The following MTERF4 variants were observed in gnomAD, a reference collection of about 807,000 sequenced individuals.
MTERF4 encodes transcription termination factor 4, mitochondrial.
A neutral mutation model predicts 22.5 loss-of-function variants in MTERF4; 17 were observed. The ratio of observed to expected loss-of-function variants is 0.75; its 90% CI spans 0.52 to 1.13. The LOEUF is 1.13. Ranked by LOEUF, MTERF4 falls within the 50% of genes most tolerant of loss-of-function variation. The pLI, the probability that MTERF4 is intolerant of heterozygous loss-of-function variation, is 0.00. For missense variants in MTERF4, 420 were observed against 466.8 expected (o/e 0.90, Z 0.92); for synonymous variants, 165 against 175.3 (o/e 0.94, Z 0.47).
In MTERF4 at chr2:241,075,063, T is replaced by C. The variant is rs2062955304; in HGVS notation, n.1099A>G. 6.6e-6 allele frequency: 1 copy of C among 152,242 alleles called. No homozygotes were observed. The highest frequency in any genetic ancestry group is 1.5e-5 in the Non-Finnish European group (1 of 68,036). The allele number at this position is 152,242 out of a possible 1,614,324, so 9.4% of individuals were successfully genotyped here. ...TCACTCCGCATTCTCGGACTGAGGT[T>C]GGCCCATGCGGTCTGGGCGGCTGCG... On this transcript the variant is annotated non_coding_transcript_exon_variant, in exon 5 of 5. Transcript: ENST00000464344. This position sits in a 1 kb window ranked among gnomAD's most constrained non-coding sequence, Gnocchi z 4.8.
the MTERF4 span, among the ~76,000 whole-genome samples, chr2:241,052,697 G>T: frequency 1.1e-4 from 6 of 55,506 alleles, no homozygotes; most frequent in Non-Finnish European, 1.7e-4. Flanking sequence ...CGGCGGGGGG[G>T]GGGGGGGTCA....
At chr2:241,061,412 T>C in the MTERF4 span, among the ~76,000 whole-genome samples, 2 of 152,134 alleles carry the variant, frequency 1.3e-5, no homozygotes, top group South Asian at 4.1e-4. Context: ...CTGGCAAGAG[T>C]ATAAATTGCT....
chr2:241,099,993 A>C (rs2064632034), intron 1 of MTERF4, 99 bp from the exon 2 acceptor site: 1 of 1,391,168 alleles, frequency 7.2e-7, no homozygotes, highest in Admixed American at 2.7e-5. Context: ...CCTTGGTTCC[A>C]CACAAACATA....
chr2:241,065,075 A>C, the MTERF4 span: 1 of 846,706 alleles, frequency 1.2e-6, no homozygotes, highest in Admixed American at 2.9e-5. Context: ...CCCTTCCCTG[A>C]GGAACAGGGA....
chr2:241,047,058 A>G, the MTERF4 span, among the ~76,000 whole-genome samples: 8 of 149,704 alleles, frequency 5.3e-5, no homozygotes, highest in African/African-American at 9.9e-5. Flanking sequence ...CAGGAGAATC[A>G]CTTGAACCCC....
At chr2:241,064,978 C>T in the MTERF4 span, 1 of 1,540,310 alleles carries the variant, frequency 6.5e-7, no homozygotes, top group Non-Finnish European at 8.7e-7. The surrounding 1 kb of genome is among the most constrained non-coding windows in gnomAD (Gnocchi z 7.0). Context: ...AGGGCGCCTC[C>T]AGTGAGGGAG....
At chr2:241,065,369 G>C in the MTERF4 span, 1 of 1,613,046 alleles carries the variant, frequency 6.2e-7, no homozygotes, top group South Asian at 1.1e-5. Flanking sequence ...CCTGGAACCC[G>C]CCCAATGGTC....
Position 241,080,656 on chromosome 2 carries a change from T to C in MTERF4, n.480-4974A>G, listed in dbSNP as rs1355380642. On this transcript the variant is annotated intron_variant and non_coding_transcript_variant, in intron 4 of 4. Transcript: ENST00000464344. ...TCCCGCTGTCCAAAGACAGAATAAA[T>C]TGAGCATCAGGAAAACAACTGACAG... 3.3e-5 allele frequency among the ~76,000 whole-genome samples: 5 copies of C among 152,232 alleles called. 1 individual carries two copies. Among genetic ancestry groups the C allele is most frequent in the Admixed American group, 6.5e-5 (1 of 15,288 alleles).
downstream of MTERF4, chr2:241,090,566 C>A (rs2063883866): frequency 8.1e-7 from 1 of 1,228,082 alleles, no homozygotes; most frequent in Non-Finnish European, 1.1e-6. Flanking sequence ...CAGGGCAGTG[C>A]AGTAGGTTTG....
chr2:241,102,097 G>A, intron 1 of MTERF4, 156 bp downstream of exon 1: 1 of 944,524 alleles, frequency 1.1e-6, no homozygotes, highest in Non-Finnish European at 1.6e-6. Flanking sequence ...ATTGAGCAGA[G>A]CCACGGGTCC....
downstream of MTERF4, among the ~76,000 whole-genome samples, chr2:241,068,677 G>T (rs115838226): frequency 4.3e-3 from 661 of 152,162 alleles, 5 homozygotes; most frequent in African/African-American, 0.015. The surrounding 1 kb of genome is among the most constrained non-coding windows in gnomAD (Gnocchi z 5.3). Context: ...TACTGTAGCA[G>T]CCCCAAGCGC....
At chr2:241,083,341 C>T (rs78880679), downstream of MTERF4, among the ~76,000 whole-genome samples, 123 of 152,124 alleles carry the variant, frequency 8.1e-4, 1 homozygote, top group African/African-American at 2.6e-3. Flanking sequence ...AGGGAACCCT[C>T]GGGGCCATGG....
At chr2:241,064,970 G>A in the MTERF4 span, 10 of 1,555,368 alleles carry the variant, frequency 6.4e-6, no homozygotes, top group Middle Eastern at 5.1e-4. This position sits in a 1 kb window ranked among gnomAD's most constrained non-coding sequence, Gnocchi z 7.0. Context: ...GGGTGGCGAG[G>A]GCGCCTCCAG....
At chr2:241,089,858 G>A (rs1452955091), downstream of MTERF4, 1 of 1,446,940 alleles carries the variant, frequency 6.9e-7, no homozygotes, top group Non-Finnish European at 9.1e-7. Flanking sequence ...ATGCTCCCGG[G>A]CTACACACCA....
intron 1 of MTERF4, among the ~76,000 whole-genome samples, chr2:241,100,614 A>C (rs2064660236): frequency 6.6e-6 from 1 of 152,030 alleles, no homozygotes; most frequent in African/African-American, 2.4e-5. Context: ...ACAGGTGCAC[A>C]CTACACCCTG....
rs2064433332 is a variant in MTERF4 at position 241,096,496 on chromosome 2, C to CT, written c.706-59dup. 1.3e-6 allele frequency: 2 copies of CT among 1,577,842 alleles called. No homozygotes were observed. Reference sequence around the variant, plus strand: ...ATACAGAGTATTGAAACCTATCATTCTATAAACCATAAAAACTTAAGTTGT... The same window carrying CT: ...ATACAGAGTATTGAAACCTATCATTCTTATAAACCATAAAAACTTAAGTTGT... On this transcript the variant is annotated intron_variant, in intron 3 of 3. Transcript: ENST00000391980. This position sits in a 1 kb window ranked among gnomAD's most constrained non-coding sequence, Gnocchi z 5.1.
the MTERF4 span, chr2:241,048,192 C>T: frequency 8.3e-7 from 1 of 1,207,706 alleles, no homozygotes; most frequent in Non-Finnish European, 1.1e-6. Flanking sequence ...AAGCTTCTGG[C>T]TTAAATTCCA....
chr2:241,062,998 T>C, the MTERF4 span: 1 of 738,948 alleles, frequency 1.4e-6, no homozygotes, highest in Non-Finnish European at 2.2e-6. Flanking sequence ...TCTGTCTGGA[T>C]GGCCAGGGTG....
the MTERF4 span, among the ~76,000 whole-genome samples, chr2:241,046,490 T>TAATA: frequency 6.6e-6 from 1 of 152,214 alleles, no homozygotes; most frequent in South Asian, 2.1e-4. Context: ...CAATTATAGA[T>TAATA]ACATACGACA....
Sources: gnomAD v4.1 joint callset for allele counts (sites outside exome capture counted in the v4.1 genomes callset) on GRCh38, gnomAD v4.1.1 for gene constraint, Gnocchi (gnomAD v3.1) non-coding constraint, MANE v1.5 for transcripts, NCBI Gene and HGNC (gene_info 2026-07-23, HGNC 2026-07-21) for gene names.